The following GATB variants were observed in gnomAD, a reference collection of about 807,000 sequenced individuals.
GATB encodes glutamyl-tRNA(Gln) amidotransferase subunit B, mitochondrial.
Under a neutral mutation model 62.3 loss-of-function variants are expected in GATB, and 39 were observed. The observed-to-expected ratio is 0.63, with a 90% CI of 0.48 to 0.82. The LOEUF (loss-of-function observed/expected upper bound fraction) is 0.82. GATB is among the 40% of genes least tolerant of loss of function. GATB has a pLI of 0.00. For missense variants in GATB, 670 were observed against 684.0 expected, an observed-to-expected ratio of 0.98 and a Z score of 0.23; for synonymous variants, 276 against 258.9, an observed-to-expected ratio of 1.07 and a Z score of -0.63.
chr4:151,678,883 G>GT (rs59396137), intron 11 of GATB, among the ~76,000 whole-genome samples: 90,422 of 151,896 alleles, frequency 0.6, 29,430 homozygotes, highest in African/African-American at 0.88. Context: ...CTGGTTATGT[G>GT]TTTTTTTTGT....
chr4:151,696,939 C>T (rs993738407), intron 9 of GATB, among the ~76,000 whole-genome samples: 1 of 152,164 alleles, frequency 6.6e-6, no homozygotes, highest in Non-Finnish European at 1.5e-5. Context: ...TTTCAGAATC[C>T]TAATGCCTGG....
Position 151,715,499 on chromosome 4 carries a change from A to G in GATB, c.763+510T>C, listed in dbSNP as rs184200986. 5.9e-4 allele frequency among the ~76,000 whole-genome samples: 90 copies of G among 152,316 alleles called. 2 individuals are homozygous for G. The highest frequency in any genetic ancestry group is 3.6e-3 in the Admixed American group (55 of 15,302). On this transcript the variant is annotated intron_variant, in intron 5 of 12. Transcript: ENST00000263985. ...TTTCTTTTATTTGTTTTAGTTTCCC[A>G]CTGTATTTCCACTGAACTTAATTAA... is the stretch of plus-strand genomic sequence containing the variant.
At chr4:151,733,026 T>C (rs1023434935) in intron 2 of GATB, among the ~76,000 whole-genome samples, 4 of 151,046 alleles carry the variant, frequency 2.6e-5, no homozygotes, top group Non-Finnish European at 5.9e-5. Flanking sequence ...TCTGAAAGAG[T>C]ACCAACAGAC....
At chr4:151,705,891 A>C (rs777967792) in intron 6 of GATB, among the ~76,000 whole-genome samples, 12 of 151,788 alleles carry the variant, frequency 7.9e-5, no homozygotes, top group Non-Finnish European at 1.5e-4. Context: ...GCCTAGTCTC[A>C]ATCTCTTGGT....
intron 1 of GATB, among the ~76,000 whole-genome samples, chr4:151,760,052 A>C (rs1237178501): frequency 6.6e-6 from 1 of 152,246 alleles, no homozygotes. Flanking sequence ...TAATTCACGA[A>C]AAGAATACAA....
rs770423063 is a variant in GATB, at chr4:151,730,611, GC to G, written c.328-11074del. On this transcript the variant is annotated intron_variant, in intron 2 of 12. Coordinates refer to ENST00000263985, the MANE Select transcript of GATB (RefSeq NM_004564.3). This position sits in a 1 kb window ranked among gnomAD's most constrained non-coding sequence, Gnocchi z 4.1. ...CACATCACAGGACTCTGTGCAGACA[GC>G]CCCCAGTGCCAGCCTGGAGCCACGA... Among the ~76,000 whole-genome samples the G allele has an allele frequency of 1.8e-4, 28 of 152,330 alleles. No individual in the cohort carries two copies. The highest frequency in any genetic ancestry group is 2.4e-4 in the Non-Finnish European group (16 of 68,032).
chr4:151,735,836 G>GT (rs1254753383), intron 2 of GATB, among the ~76,000 whole-genome samples: 3 of 150,678 alleles, frequency 2.0e-5, no homozygotes, highest in Non-Finnish European at 2.9e-5. Flanking sequence ...AGACTAAGGC[G>GT]TAAGAATGAT....
chr4:151,702,584 G>C (rs542507329), intron 8 of GATB, among the ~76,000 whole-genome samples: 1 of 152,162 alleles, frequency 6.6e-6, no homozygotes, highest in Non-Finnish European at 1.5e-5. Flanking sequence ...AGGAGACTCT[G>C]GGGGGAGAGT....
chr4:151,726,571 C>A (rs1739142012), intron 2 of GATB, among the ~76,000 whole-genome samples: 1 of 152,200 alleles, frequency 6.6e-6, no homozygotes, highest in Non-Finnish European at 1.5e-5. Flanking sequence ...GGCTACATTT[C>A]CTCTTTTGTT....
chr4:151,735,023 C>G (rs1160752091), intron 2 of GATB, among the ~76,000 whole-genome samples: 1 of 152,096 alleles, frequency 6.6e-6, no homozygotes, highest in Non-Finnish European at 1.5e-5. Context: ...TTAGCTTAGG[C>G]AAGGATTTCA....
At chr4:151,755,988 A>G (rs1185440643) in intron 2 of GATB, among the ~76,000 whole-genome samples, 1 of 152,186 alleles carries the variant, frequency 6.6e-6, no homozygotes, top group African/African-American at 2.4e-5. Flanking sequence ...GGGTAAAAAG[A>G]TTACTCAGGG....
chr4:151,697,957 A>ATATATATATATATATATATATATATGTG (rs1738513582), intron 9 of GATB, among the ~76,000 whole-genome samples: 1 of 49,704 alleles, frequency 2.0e-5, no homozygotes, highest in Admixed American at 1.5e-4. Flanking sequence ...GTGTGTGTAT[A>ATATATATATATATATATATATATATGTG]TATATATATA....
chr4:151,702,262 C>T (rs968052625), intron 8 of GATB, among the ~76,000 whole-genome samples: 1 of 151,842 alleles, frequency 6.6e-6, no homozygotes, highest in African/African-American at 2.4e-5. Flanking sequence ...GCAGCATTTA[C>T]ATAAATAAAA....
chr4:151,729,808 GA>G (rs1739208084), intron 2 of GATB, among the ~76,000 whole-genome samples: 1 of 152,204 alleles, frequency 6.6e-6, no homozygotes, highest in Non-Finnish European at 1.5e-5. Flanking sequence ...ACTATGAAGA[GA>G]AGAAGGAGAG....
chr4:151,688,265 C>A (rs1420918117), intron 10 of GATB, among the ~76,000 whole-genome samples: 1 of 152,132 alleles, frequency 6.6e-6, no homozygotes, highest in Non-Finnish European at 1.5e-5. Flanking sequence ...TTCAACTCCC[C>A]TTTTTGTGCA....
At chr4:151,750,133 G>A (rs917885047) in intron 2 of GATB, among the ~76,000 whole-genome samples, 23 of 152,020 alleles carry the variant, frequency 1.5e-4, no homozygotes. Flanking sequence ...CGCCCACCTC[G>A]GTCTCCCAAA....
intron 5 of GATB, among the ~76,000 whole-genome samples, chr4:151,713,087 G>A (rs2126975703): frequency 6.6e-6 from 1 of 152,176 alleles, no homozygotes; most frequent in South Asian, 2.1e-4. Flanking sequence ...AACTGTGCAT[G>A]AGAGGAATCT....
At chr4:151,719,299 T>G (rs907268367) in intron 3 of GATB, 126 bp downstream of exon 3, 2 of 667,388 alleles carry the variant, frequency 3.0e-6, no homozygotes, top group African/African-American at 3.7e-5. Context: ...AACTTCCTGC[T>G]GGGATGGACA....
chr4:151,736,516 A>G (rs1388754576), intron 2 of GATB, among the ~76,000 whole-genome samples: 1 of 152,154 alleles, frequency 6.6e-6, no homozygotes, highest in Admixed American at 6.5e-5. Flanking sequence ...CTTCTCATTA[A>G]TTGTTACTCA....
Sources: allele counts gnomAD v4.1 joint callset (sites outside exome capture counted in the v4.1 genomes callset), GRCh38; gene constraint gnomAD v4.1.1; non-coding constraint Gnocchi (gnomAD v3.1); transcripts MANE v1.5; gene names NCBI Gene and HGNC (gene_info 2026-07-23, HGNC 2026-07-21).